Variants in CPQ observed in about 807,000 individuals in gnomAD.
The protein encoded by CPQ is carboxypeptidase Q, also known as Ser-Met dipeptidase.
CPQ carries 37 observed loss-of-function variants against 45.7 expected under a neutral mutation model. The observed-to-expected ratio is 0.81, with a 90% CI of 0.62 to 1.07. The LOEUF is 1.07. Ranked by LOEUF, CPQ falls within the 50% of genes least tolerant of loss-of-function variation. The pLI is 0.00. For synonymous variants in CPQ, 186 were observed against 205.8 expected (o/e 0.90, Z 0.82); for missense variants, 537 against 572.9 (o/e 0.94, Z 0.64).
At chr8:97,075,497 T>G (rs188797494) in intron 7 of CPQ, among the ~76,000 whole-genome samples, 1 of 152,194 alleles carries the variant, frequency 6.6e-6, no homozygotes, top group Admixed American at 6.5e-5. Flanking sequence ...GAGCTCACAA[T>G]TGAAAACTGA....
intron 2 of CPQ, among the ~76,000 whole-genome samples, chr8:96,814,969 A>C (rs540003486): frequency 4.3e-4 from 66 of 152,246 alleles, no homozygotes; most frequent in African/African-American, 1.5e-3. Context: ...TGGAAATAGA[A>C]AGTACATTGG....
chr8:96,842,505 C>T (rs1464277175), intron 3 of CPQ, among the ~76,000 whole-genome samples: 1 of 87,192 alleles, frequency 1.1e-5, no homozygotes, highest in Non-Finnish European at 2.3e-5. Flanking sequence ...CAATTCTCAT[C>T]ATTCATGCAG....
At chr8:96,696,051 A>T (rs1181961819) in intron 1 of CPQ, among the ~76,000 whole-genome samples, 1 of 151,700 alleles carries the variant, frequency 6.6e-6, no homozygotes, top group Non-Finnish European at 1.5e-5. Flanking sequence ...CAAATGTCCA[A>T]CAATGATAGA....
At chr8:96,751,019 C>A (rs557751785) in intron 1 of CPQ, among the ~76,000 whole-genome samples, 1 of 152,264 alleles carries the variant, frequency 6.6e-6, no homozygotes, top group African/African-American at 2.4e-5. Context: ...ACCACATTTT[C>A]TTTATCCAGT....
At chr8:97,002,128 T>C (rs1809294578) in intron 5 of CPQ, among the ~76,000 whole-genome samples, 1 of 152,136 alleles carries the variant, frequency 6.6e-6, no homozygotes, top group Non-Finnish European at 1.5e-5. Flanking sequence ...TTATCGTTTT[T>C]GATTATGTTT....
At chr8:96,753,201 A>G (rs945114456) in intron 1 of CPQ, among the ~76,000 whole-genome samples, 8 of 152,124 alleles carry the variant, frequency 5.3e-5, no homozygotes, top group African/African-American at 1.9e-4. Context: ...GTTCTGTCAC[A>G]TATTAAGTTA....
chr8:97,097,165 C>A (rs1012760084), intron 7 of CPQ, among the ~76,000 whole-genome samples: 4 of 152,156 alleles, frequency 2.6e-5, no homozygotes, highest in African/African-American at 9.7e-5. Flanking sequence ...TACTTTTATT[C>A]AATAAGTCTA....
chr8:96,785,466 T>C (rs1586399989), intron 2 of CPQ, 136 bp downstream of exon 2: 1 of 708,790 alleles, frequency 1.4e-6, no homozygotes, highest in Non-Finnish European at 2.2e-6. Context: ...TCTCTACCCT[T>C]TTTTGTCCTC....
chr8:96,709,771 G>C (rs925336716), intron 1 of CPQ, among the ~76,000 whole-genome samples: 1 of 152,072 alleles, frequency 6.6e-6, no homozygotes, highest in Admixed American at 6.5e-5. Context: ...ATGTGCTGTT[G>C]GATTCGATTT....
intron 7 of CPQ, among the ~76,000 whole-genome samples, chr8:97,119,273 G>A (rs1811652962): frequency 1.4e-5 from 2 of 145,844 alleles, no homozygotes; most frequent in Non-Finnish European, 3.0e-5. Context: ...AAGTTACAGT[G>A]AGCTGAGATG....
chr8:96,961,145 C>G (rs2130354674), intron 4 of CPQ, among the ~76,000 whole-genome samples: 1 of 152,284 alleles, frequency 6.6e-6, no homozygotes, highest in East Asian at 1.9e-4. Flanking sequence ...ATTATTTTAA[C>G]AATTTTCTGC....
intron 2 of CPQ, among the ~76,000 whole-genome samples, chr8:96,817,019 T>G (rs147417704): frequency 6.6e-5 from 10 of 152,252 alleles, no homozygotes; most frequent in African/African-American, 2.2e-4. Flanking sequence ...TTCAACAAAG[T>G]CATAGCTACA....
intron 1 of CPQ, among the ~76,000 whole-genome samples, chr8:96,783,190 C>T (rs549892542): frequency 6.6e-6 from 1 of 152,064 alleles, no homozygotes; most frequent in African/African-American, 2.4e-5. Context: ...TTCAAAGCTG[C>T]GTTCACATTT....
chr8:97,101,212 A>G (rs994536301), intron 7 of CPQ, among the ~76,000 whole-genome samples: 6 of 152,138 alleles, frequency 3.9e-5, no homozygotes, highest in African/African-American at 1.2e-4. Flanking sequence ...GTTTCTGAGT[A>G]TGCCATAAAA....
intron 6 of CPQ, among the ~76,000 whole-genome samples, chr8:97,059,644 T>TG (rs1810513313): frequency 6.6e-6 from 1 of 152,168 alleles, no homozygotes; most frequent in South Asian, 2.1e-4. Flanking sequence ...TTGTTTGAGC[T>TG]GAAGCTCTGT....
chr8:96,688,900 A>T (rs567750217), intron 1 of CPQ, among the ~76,000 whole-genome samples: 1 of 152,160 alleles, frequency 6.6e-6, no homozygotes. Flanking sequence ...TATCTCAACA[A>T]TGTTTTTAGA....
At chr8:97,085,974 T>G (rs1286952605) in intron 7 of CPQ, among the ~76,000 whole-genome samples, 1 of 152,190 alleles carries the variant, frequency 6.6e-6, no homozygotes, top group Non-Finnish European at 1.5e-5. Flanking sequence ...CTTTGACAAT[T>G]CTACAGAAGA....
At chr8:96,782,172 G>C (rs1267434966) in intron 1 of CPQ, among the ~76,000 whole-genome samples, 6 of 152,180 alleles carry the variant, frequency 3.9e-5, no homozygotes, top group Non-Finnish European at 8.8e-5. Context: ...TGGCAGCTCT[G>C]CTCCTGCAGC....
chr8:96,939,465 GT>G (rs1813097344), intron 4 of CPQ, among the ~76,000 whole-genome samples: 1 of 152,086 alleles, frequency 6.6e-6, no homozygotes, highest in African/African-American at 2.4e-5. Flanking sequence ...CTAGTCTGAA[GT>G]TTTTTGTGTT....
Sources: allele counts gnomAD v4.1 joint callset (sites outside exome capture counted in the v4.1 genomes callset), GRCh38; gene constraint gnomAD v4.1.1; transcripts MANE v1.5; gene names NCBI Gene and HGNC (gene_info 2026-07-23, HGNC 2026-07-21).